AGAP1: variants seen among roughly 807,000 people sequenced by gnomAD.
The protein encoded by AGAP1 is ArfGAP with GTPase domain, ankyrin repeat and PH domain 1, also known as arf-GAP with GTPase, ANK repeat and PH domain-containing protein 1.
AGAP1 carries 29 observed loss-of-function variants against 105.3 expected under a neutral mutation model. The ratio of observed to expected loss-of-function variants is 0.28; its 90% confidence interval spans 0.21 to 0.38. The LOEUF is 0.38. AGAP1 is among the 10% of genes least tolerant of loss of function. The probability of loss-of-function intolerance (pLI) is 1.00; values close to 1 mark genes in which losing one functional copy is unlikely to be tolerated. For synonymous variants in AGAP1, 509 were observed against 485.9 expected (o/e 1.05, Z -0.63); for missense variants, 998 against 1,165.1 (o/e 0.86, Z 2.09).
At chr2:235,576,271 A>G (rs925342598) in intron 1 of AGAP1, among the ~76,000 whole-genome samples, 2 of 152,170 alleles carry the variant, frequency 1.3e-5, no homozygotes, top group African/African-American at 4.8e-5. Context: ...GTCAGTCACC[A>G]TATTCGTTTT....
intron 12 of AGAP1, among the ~76,000 whole-genome samples, chr2:235,942,485 C>T (rs2053305967): frequency 6.6e-6 from 1 of 152,078 alleles, no homozygotes; most frequent in African/African-American, 2.4e-5. Context: ...TGAGATCAGC[C>T]TGACCAACAT....
intron 1 of AGAP1, among the ~76,000 whole-genome samples, chr2:235,530,367 C>A (rs1942999619): frequency 6.6e-6 from 1 of 152,152 alleles, no homozygotes; most frequent in African/African-American, 2.4e-5. Context: ...GCCCTTGTGC[C>A]TTAGTCCCTG....
At chr2:236,069,875 A>G (rs868606886) in intron 16 of AGAP1, among the ~76,000 whole-genome samples, 2 of 152,122 alleles carry the variant, frequency 1.3e-5, no homozygotes, top group Non-Finnish European at 2.9e-5. Context: ...TTATTTTCTA[A>G]TTTTCTGCCA....
chr2:236,054,821 TC>T (rs1007366320), intron 16 of AGAP1, among the ~76,000 whole-genome samples: 1 of 152,174 alleles, frequency 6.6e-6, no homozygotes, highest in African/African-American at 2.4e-5. Context: ...TTTGCCACGA[TC>T]ACCGAGCATG....
chr2:235,648,026 C>T (rs1482728965), intron 1 of AGAP1, among the ~76,000 whole-genome samples: 1 of 152,174 alleles, frequency 6.6e-6, no homozygotes, highest in Non-Finnish European at 1.5e-5. Context: ...GAGGACCTTC[C>T]AACCCCCAAG....
intron 12 of AGAP1, among the ~76,000 whole-genome samples, chr2:235,941,913 G>A (rs116057262): frequency 1.0e-3 from 154 of 152,236 alleles, no homozygotes; most frequent in African/African-American, 3.5e-3. Context: ...GTTCCAGCCC[G>A]GTATGGAAGA....
intron 3 of AGAP1, among the ~76,000 whole-genome samples, chr2:235,726,716 C>T (rs1371202784): frequency 2.6e-5 from 4 of 152,044 alleles, no homozygotes; most frequent in African/African-American, 7.2e-5. Flanking sequence ...CTGGAAGCCC[C>T]GGGGCCATGC....
At position 235,663,325 on chromosome 2, in the gene AGAP1, G is replaced by A. The variant is rs777104822; in HGVS notation, c.164-45854G>A. On this transcript the variant is annotated intron_variant, in intron 1 of 17. Coordinates refer to ENST00000304032, the MANE Select transcript of AGAP1 (RefSeq NM_001037131.3). This position sits in a 1 kb window ranked among gnomAD's most constrained non-coding sequence, Gnocchi z 5.4. ...ACTCTGTCTCAAAAAAAAAGAAGGG[G>A]AGCGATCACGTGCATCCCTCTGCTG... 1.3e-4 allele frequency among the ~76,000 whole-genome samples: 20 copies of A among 152,108 alleles called. No individual in the cohort carries two copies. Among genetic ancestry groups the A allele is most frequent in the Non-Finnish European group, 1.9e-4 (13 of 68,012 alleles).
rs1016767453 is a variant in AGAP1, at chr2:235,625,919, C to A, written c.164-83260C>A. Among the ~76,000 whole-genome samples the A allele has an allele frequency of 6.6e-6, 1 of 152,144 alleles. No homozygotes were observed. The highest frequency in any genetic ancestry group is 1.5e-5 in the Non-Finnish European group (1 of 68,030). ...TCACATTTATTCTTGAAATTCCACA[C>A]AGAGAAAGGTGTTTCGGGGAAGTAG... On this transcript the variant is annotated intron_variant, in intron 1 of 17. Transcript: ENST00000304032. The surrounding 1 kb of genome is among the most constrained non-coding windows in gnomAD (Gnocchi z 4.0).
At chr2:235,702,816 AT>A (rs11326492) in intron 1 of AGAP1, among the ~76,000 whole-genome samples, 117,794 of 151,796 alleles carry the variant, frequency 0.78, 46,022 homozygotes, top group East Asian at 0.97. Flanking sequence ...TGATCTGGCA[AT>A]TTTTATGTGG....
At chr2:235,990,919 G>A (rs944385480) in intron 13 of AGAP1, among the ~76,000 whole-genome samples, 2 of 152,242 alleles carry the variant, frequency 1.3e-5, no homozygotes, top group Non-Finnish European at 2.9e-5. Context: ...CAGGGGTGGG[G>A]CAAGGTTCTT....
intron 5 of AGAP1, among the ~76,000 whole-genome samples, chr2:235,748,434 T>A (rs1260202444): frequency 6.6e-6 from 1 of 152,104 alleles, no homozygotes; most frequent in Non-Finnish European, 1.5e-5. Context: ...AAAAAAAAAC[T>A]TTCTTTTCTT....
intron 10 of AGAP1, among the ~76,000 whole-genome samples, chr2:235,898,100 T>C (rs2050892993): frequency 6.6e-6 from 1 of 152,252 alleles, no homozygotes; most frequent in Admixed American, 6.5e-5. Flanking sequence ...CGCTGATGAT[T>C]ACATTAGGCT....
At position 235,970,580 on chromosome 2, in the gene AGAP1, T is replaced by A. The variant is rs887499055; in HGVS notation, c.1645+1957T>A. 6.1e-4 allele frequency among the ~76,000 whole-genome samples: 93 copies of A among 152,208 alleles called. No homozygotes were observed. The highest frequency in any genetic ancestry group is 2.9e-3 in the Admixed American group (45 of 15,280). ...TTCACAGGCACGCGTCTTCTTGCAT[T>A]TGTTGTGTGTTTCCAACCGAGGTCT... On this transcript the variant is annotated intron_variant, in intron 13 of 17. Transcript: ENST00000304032. This position sits in a 1 kb window ranked among gnomAD's most constrained non-coding sequence, Gnocchi z 5.4.
intron 9 of AGAP1, among the ~76,000 whole-genome samples, chr2:235,816,344 A>G (rs1388135551): frequency 4.0e-5 from 6 of 151,186 alleles, no homozygotes; most frequent in African/African-American, 9.7e-5. Context: ...AGCCTGAGGC[A>G]GGAGAATCGC....
chr2:235,720,070 A>G lies in AGAP1; in HGVS notation c.310+2426A>G, dbSNP rs1157072406. On this transcript the variant is annotated intron_variant, in intron 3 of 17. Coordinates refer to ENST00000304032, the MANE Select transcript of AGAP1 (RefSeq NM_001037131.3). This position sits in a 1 kb window ranked among gnomAD's most constrained non-coding sequence, Gnocchi z 5.0. ...TGACTGTGTGCCTCATGACAGTGGC[A>G]GGAGGGAGCCATAACTTGTTGTAAT... is the stretch of plus-strand genomic sequence containing the variant. Among the ~76,000 whole-genome samples, 1 of 152,160 alleles carries G rather than the reference A, an allele frequency of 6.6e-6. No individual in the cohort carries two copies. The highest frequency in any genetic ancestry group is 1.5e-5 in the Non-Finnish European group (1 of 68,042).
intron 1 of AGAP1, among the ~76,000 whole-genome samples, chr2:235,513,004 G>T (rs1942214926): frequency 6.6e-6 from 1 of 152,226 alleles, no homozygotes; most frequent in African/African-American, 2.4e-5. Flanking sequence ...CCTGGTTCTG[G>T]TCAAGTTTAT....
intron 1 of AGAP1, among the ~76,000 whole-genome samples, chr2:235,652,833 G>A (rs11690135): frequency 0.022 from 3,386 of 152,034 alleles, 122 homozygotes; most frequent in African/African-American, 0.075. Flanking sequence ...GGAGCAGGGT[G>A]GGCAGAGGTT....
At position 236,098,620 on chromosome 2, in the gene AGAP1, C is replaced by CTTTTTTTTTTTTTTTTTTTTT. The variant is rs34419216; in HGVS notation, c.2115-21553_2115-21552insTTTTTTTTTTTTTTTTTTTTT. ...GCTGACTTGATGAAATCTTTTTTTC[C>CTTTTTTTTTTTTTTTTTTTTT]TTTTTTTTTTTTTTTTTTTAGAGAA... On this transcript the variant is annotated intron_variant, in intron 16 of 17. Transcript: ENST00000304032. Among the ~76,000 whole-genome samples, 644 of 115,164 alleles carry CTTTTTTTTTTTTTTTTTTTTT rather than the reference C, an allele frequency of 5.6e-3. 58 individuals carry two copies. Among genetic ancestry groups the CTTTTTTTTTTTTTTTTTTTTT allele is most frequent in the African/African-American group, 0.023 (599 of 25,732 alleles). The allele number at this position is 115,164 out of a possible 152,430, so 75.6% of individuals were successfully genotyped here.
Sources: allele counts gnomAD v4.1 joint callset (sites outside exome capture counted in the v4.1 genomes callset), GRCh38; gene constraint gnomAD v4.1.1; non-coding constraint Gnocchi (gnomAD v3.1); transcripts MANE v1.5; gene names NCBI Gene and HGNC (gene_info 2026-07-23, HGNC 2026-07-21).